Variants in SEZ6L observed in about 807,000 individuals in gnomAD.
SEZ6L encodes seizure related 6 homolog like, also known as seizure 6-like protein.
In SEZ6L, 37 loss-of-function variants were observed where a neutral mutation model predicts 106.2. The observed-to-expected ratio is 0.35, with a 90% CI of 0.27 to 0.46. SEZ6L has a LOEUF of 0.46. Among genes scored for constraint, SEZ6L ranks in the 20% least tolerant of loss-of-function variants. SEZ6L has a pLI of 1.00. For missense variants in SEZ6L, 1,172 were observed against 1,332.8 expected (o/e 0.88, Z 1.88); for synonymous variants, 541 against 570.4 (o/e 0.95, Z 0.73).
intron 1 of SEZ6L, among the ~76,000 whole-genome samples, chr22:26,248,816 T>C (rs1289214865): frequency 1.3e-5 from 2 of 152,218 alleles, no homozygotes; most frequent in African/African-American, 4.8e-5. Flanking sequence ...GAAAGAAATT[T>C]CATGGGGTGG....
intron 8 of SEZ6L, among the ~76,000 whole-genome samples, chr22:26,313,363 G>A (rs1266909474): frequency 6.6e-6 from 1 of 152,158 alleles, no homozygotes; most frequent in Non-Finnish European, 1.5e-5. Flanking sequence ...GTTAGCAGCA[G>A]AGGCAAGATT....
At chr22:26,178,499 T>C (rs1939170236) in intron 1 of SEZ6L, among the ~76,000 whole-genome samples, 1 of 152,124 alleles carries the variant, frequency 6.6e-6, no homozygotes, top group South Asian at 2.1e-4. Context: ...GAGCAAGTAG[T>C]AGGGACTGGT....
intron 1 of SEZ6L, among the ~76,000 whole-genome samples, chr22:26,226,631 C>A (rs1428077142): frequency 6.6e-6 from 1 of 152,074 alleles, no homozygotes; most frequent in Non-Finnish European, 1.5e-5. Context: ...AGCTCTGTGG[C>A]AGAAACTGTG....
rs770303218 is a variant in SEZ6L at position 26,293,009 on chromosome 22, C to T, written c.698C>T (p.Pro233Leu). 3 of 1,614,042 alleles carry T rather than the reference C, an allele frequency of 1.9e-6. No homozygotes were observed. The highest frequency in any genetic ancestry group is 4.5e-5 in the East Asian group (2 of 44,870). The change falls in exon 2 of 17, where the codon CCC becomes CTC. Residue 233 changes from proline (P) to leucine (L), a missense_variant. Around this residue, in one of 4 missense-constraint regions of SEZ6L, gnomAD observed 494 missense variants for 445.8 expected, o/e 1.11. Coordinates refer to ENST00000248933, the MANE Select transcript of SEZ6L (RefSeq NM_021115.5). ...EPGPDMAQEA[P>L]QEDTSPMALM... is the part of the protein sequence containing the mutation. ...GGGCCTGACATGGCCCAGGAGGCCC[C>T]CCAGGAGGACACCAGCCCCATGGCC... is the stretch of plus-strand genomic sequence containing the variant.
chr22:26,169,836 T>A, intron 1 of SEZ6L, 73 bp downstream of exon 1: 3 of 731,308 alleles, frequency 4.1e-6, no homozygotes, highest in Non-Finnish European at 3.8e-6. Context: ...GGGTCGGGGC[T>A]GACCAGGGCG....
intron 1 of SEZ6L, among the ~76,000 whole-genome samples, chr22:26,256,679 G>T (rs987153704): frequency 1.3e-5 from 2 of 152,204 alleles, no homozygotes; most frequent in Non-Finnish European, 2.9e-5. Flanking sequence ...TTCATAGCCT[G>T]GTCCCTGGAC....
intron 15 of SEZ6L, among the ~76,000 whole-genome samples, chr22:26,376,307 G>A (rs548290713): frequency 4.1e-4 from 62 of 152,312 alleles, no homozygotes; most frequent in Non-Finnish European, 7.1e-4. Flanking sequence ...TGTAGTGTTA[G>A]AAACTGATAA....
In SEZ6L at chr22:26,309,132, T is replaced by C. The variant is rs553188783; in HGVS notation, c.1515-1538T>C. 1.4e-3 allele frequency among the ~76,000 whole-genome samples: 218 copies of C among 152,324 alleles called. 1 individual carries two copies. The highest frequency in any genetic ancestry group is 5.1e-3 in the African/African-American group (212 of 41,574). On this transcript the variant is annotated intron_variant, in intron 6 of 16. Coordinates refer to ENST00000248933, the MANE Select transcript of SEZ6L (RefSeq NM_021115.5). ...CTATTTTTATGAGTCAGTAAAAACC[T>C]CAAAGGCTTAAAAATGTGTGTTTAT...
chr22:26,346,766 G>A (rs1159644537), intron 10 of SEZ6L, among the ~76,000 whole-genome samples: 1 of 152,190 alleles, frequency 6.6e-6, no homozygotes, highest in Non-Finnish European at 1.5e-5. Flanking sequence ...TCACAATATG[G>A]CAGCTGCTTC....
At chr22:26,259,224 T>A (rs556224904) in intron 1 of SEZ6L, among the ~76,000 whole-genome samples, 2 of 152,112 alleles carry the variant, frequency 1.3e-5, no homozygotes, top group African/African-American at 4.8e-5. Flanking sequence ...AAGGTTGGGG[T>A]GAGAAGGTGA....
intron 10 of SEZ6L, among the ~76,000 whole-genome samples, chr22:26,343,300 CA>C (rs1221708281): frequency 7.1e-6 from 1 of 140,700 alleles, no homozygotes. Flanking sequence ...GTCAGTATTC[CA>C]AACCTGCATT....
intron 1 of SEZ6L, among the ~76,000 whole-genome samples, chr22:26,222,993 A>C (rs1442428358): frequency 1.3e-5 from 2 of 152,144 alleles, no homozygotes; most frequent in African/African-American, 4.8e-5. Flanking sequence ...CCACAAAAAA[A>C]AAAAAAATTA....
chr22:26,265,715 T>G (rs1255977256), intron 1 of SEZ6L, among the ~76,000 whole-genome samples: 1 of 152,140 alleles, frequency 6.6e-6, no homozygotes, highest in African/African-American at 2.4e-5. Flanking sequence ...GAACTCTGAG[T>G]TCTTCAAATA....
chr22:26,306,513 A>C (rs2081636682), intron 6 of SEZ6L, among the ~76,000 whole-genome samples: 1 of 152,224 alleles, frequency 6.6e-6, no homozygotes, highest in Non-Finnish European at 1.5e-5. Flanking sequence ...GAGAACATGA[A>C]AGAAGTAGAA....
intron 1 of SEZ6L, among the ~76,000 whole-genome samples, chr22:26,222,820 CCAT>C (rs1194961925): frequency 6.6e-6 from 1 of 152,104 alleles, no homozygotes; most frequent in Non-Finnish European, 1.5e-5. Flanking sequence ...AGAATTTTAT[CCAT>C]CACAGTGGTT....
At chr22:26,272,480 A>T (rs1428656533) in intron 1 of SEZ6L, among the ~76,000 whole-genome samples, 1 of 152,220 alleles carries the variant, frequency 6.6e-6, no homozygotes, top group East Asian at 1.9e-4. Context: ...GCCAGGCTGC[A>T]GCTGGTCATC....
chr22:26,345,431 C>T (rs2082975827), intron 10 of SEZ6L, among the ~76,000 whole-genome samples: 1 of 152,080 alleles, frequency 6.6e-6, no homozygotes, highest in African/African-American at 2.4e-5. Flanking sequence ...GCAAACCTTT[C>T]TCCGTCTCAA....
chr22:26,213,226 T>A (rs184511973), intron 1 of SEZ6L, among the ~76,000 whole-genome samples: 97 of 152,140 alleles, frequency 6.4e-4, no homozygotes, highest in Admixed American at 3.4e-3. Flanking sequence ...GGAAACAGAG[T>A]CTTTGACTTA....
intron 1 of SEZ6L, among the ~76,000 whole-genome samples, chr22:26,183,248 C>T (rs1272189960): frequency 1.3e-5 from 2 of 152,232 alleles, no homozygotes; most frequent in African/African-American, 4.8e-5. Context: ...TTATTTCAGA[C>T]ATTCTACTCT....
Sources: gnomAD v4.1 joint callset for allele counts (sites outside exome capture counted in the v4.1 genomes callset) on GRCh38, gnomAD v4.1.1 for gene constraint, gnomAD v4.1.1 regional missense constraint, MANE v1.5 for transcripts, NCBI Gene and HGNC (gene_info 2026-07-23, HGNC 2026-07-21) for gene names.